Variants in OSBPL8 observed in about 807,000 individuals in gnomAD.
OSBPL8 encodes the protein oxysterol binding protein like 8.
A neutral mutation model predicts 125.5 loss-of-function variants in OSBPL8; 59 were observed. The observed-to-expected ratio is 0.47, with a 90% CI of 0.38 to 0.58. OSBPL8 has a LOEUF of 0.58. Ranked by LOEUF, OSBPL8 falls within the 20% of genes least tolerant of loss-of-function variation. OSBPL8 has a pLI of 0.00. For missense variants in OSBPL8, 758 were observed against 1,047.8 expected (o/e 0.72, Z 3.82); for synonymous variants, 330 against 338.9 (o/e 0.97, Z 0.29).
chr12:76,507,713 C>T (rs1880550960), intron 1 of OSBPL8, among the ~76,000 whole-genome samples: 1 of 151,280 alleles, frequency 6.6e-6, no homozygotes, highest in Non-Finnish European at 1.5e-5. Context: ...ATCCCAGCTA[C>T]TCAGGAGGCT....
chr12:76,433,314 C>G (rs114042748), intron 4 of OSBPL8, among the ~76,000 whole-genome samples: 1 of 152,052 alleles, frequency 6.6e-6, no homozygotes, highest in Non-Finnish European at 1.5e-5. Context: ...CATAATCATA[C>G]ACGTAGAAAA....
chr12:76,511,840 G>C (rs746000708), intron 1 of OSBPL8, among the ~76,000 whole-genome samples: 1 of 152,156 alleles, frequency 6.6e-6, no homozygotes. Flanking sequence ...TCGTCTGCCA[G>C]GGTTTATAGT....
intron 1 of OSBPL8, among the ~76,000 whole-genome samples, chr12:76,506,012 A>T (rs1880377928): frequency 6.6e-6 from 1 of 151,564 alleles, no homozygotes; most frequent in African/African-American, 2.5e-5. Flanking sequence ...GGCAACAGAC[A>T]ATGATGGCTT....
Position 76,461,220 on chromosome 12 carries a change from A to C in OSBPL8, c.43-1325T>G, listed in dbSNP as rs373042747. On this transcript the variant is annotated intron_variant, in intron 2 of 23. Coordinates refer to ENST00000261183, the MANE Select transcript of OSBPL8 (RefSeq NM_020841.5). Reference sequence around the variant, plus strand: ...ACTTCTAATGAACAGAATACAGCCAAAGTGATGGGATGTCTCTTCTGGGAT... The same window carrying C: ...ACTTCTAATGAACAGAATACAGCCACAGTGATGGGATGTCTCTTCTGGGAT... 4.6e-5 allele frequency among the ~76,000 whole-genome samples: 7 copies of C among 152,266 alleles called. No homozygotes were observed. The East Asian group carries it at 1.2e-3, about 25-fold the overall frequency.
intron 4 of OSBPL8, chr12:76,423,211 T>C (rs923610784): frequency 8.5e-5 from 13 of 152,242 alleles, no homozygotes; most frequent in East Asian, 1.9e-4. Flanking sequence ...TCAGCCATGA[T>C]TAAACATTCA....
chr12:76,466,214 T>A (rs928119702), intron 2 of OSBPL8, among the ~76,000 whole-genome samples: 1 of 152,172 alleles, frequency 6.6e-6, no homozygotes, highest in African/African-American at 2.4e-5. Context: ...CTGTATTTTT[T>A]AAATATGGCA....
chr12:76,396,449 A>G (rs765437914), intron 8 of OSBPL8, among the ~76,000 whole-genome samples: 31 of 152,106 alleles, frequency 2.0e-4, no homozygotes, highest in Admixed American at 6.6e-4. Context: ...AAACTAAAGC[A>G]ATGATCATTT....
intron 2 of OSBPL8, among the ~76,000 whole-genome samples, chr12:76,485,665 G>A (rs1198984923): frequency 6.6e-6 from 1 of 152,128 alleles, no homozygotes; most frequent in Non-Finnish European, 1.5e-5. Context: ...CAGAAATATA[G>A]GTATGTAGTC....
Position 76,392,645 on chromosome 12 carries a change from T to C in OSBPL8, c.865A>G (p.Ser289Gly), listed in dbSNP as rs1462359826. The change falls in exon 10 of 24, where the codon AGC becomes GGC. Residue 289 changes from serine to glycine, a missense_variant. Transcript: ENST00000261183. ...AAGCCATAGAAAGTCACATGTGTGC[T>C]ATCTGATGAAACGCTCAGGTCATGT... ...KEHDLSVSSDSTHVTFYGLLR... is the reference protein window; with the variant it reads ...KEHDLSVSSDGTHVTFYGLLR... 1 of 1,614,120 alleles carries C rather than the reference T, an allele frequency of 6.2e-7. No individual in the cohort carries two copies. Among genetic ancestry groups the C allele is most frequent in the Non-Finnish European group, 8.5e-7 (1 of 1,179,952 alleles).
At chr12:76,425,597 A>G (rs564728545) in intron 4 of OSBPL8, among the ~76,000 whole-genome samples, 51 of 152,288 alleles carry the variant, frequency 3.3e-4, no homozygotes, top group African/African-American at 1.1e-3. Flanking sequence ...TTTTTGACAC[A>G]TGGGCAAACT....
chr12:76,479,393 A>C (rs916382206), intron 2 of OSBPL8, among the ~76,000 whole-genome samples: 1 of 152,220 alleles, frequency 6.6e-6, no homozygotes, highest in Non-Finnish European at 1.5e-5. Context: ...GCATTAAAAA[A>C]ATGTATGTTG....
intron 2 of OSBPL8, among the ~76,000 whole-genome samples, chr12:76,480,167 C>CAAAAAAAAAAAAAAAAAAA (rs57582036): frequency 1.8e-5 from 1 of 56,386 alleles, no homozygotes; most frequent in East Asian, 6.2e-4. Flanking sequence ...AACTCCATCT[C>CAAAAAAAAAAAAAAAAAAA]AAAAAAAAAA....
intron 21 of OSBPL8, 140 bp from the exon 22 acceptor site, chr12:76,358,951 T>A: frequency 1.5e-6 from 1 of 668,750 alleles, no homozygotes; most frequent in Non-Finnish European, 2.6e-6. Context: ...AATTCAAATT[T>A]AACAAATGTG....
chr12:76,410,051 A>C (rs1394164304), intron 5 of OSBPL8, among the ~76,000 whole-genome samples: 3 of 95,940 alleles, frequency 3.1e-5, no homozygotes, highest in Non-Finnish European at 8.2e-5. Context: ...TTTCTTCAAG[A>C]AAAAAAATGC....
intron 1 of OSBPL8, among the ~76,000 whole-genome samples, chr12:76,538,610 C>G (rs571349564): frequency 6.6e-6 from 1 of 152,212 alleles, no homozygotes; most frequent in East Asian, 1.9e-4. Context: ...TGTAAACAAA[C>G]TTATTTAAAG....
intron 3 of OSBPL8, 103 bp from the exon 4 acceptor site, chr12:76,451,091 G>T (rs1873349825): frequency 1.6e-6 from 2 of 1,237,062 alleles, no homozygotes; most frequent in Non-Finnish European, 2.2e-6. Flanking sequence ...GGCCTTGGTG[G>T]TTATATTCAT....
intron 4 of OSBPL8, among the ~76,000 whole-genome samples, chr12:76,441,106 T>C (rs182864465): frequency 1.3e-5 from 2 of 152,264 alleles, no homozygotes; most frequent in East Asian, 1.9e-4. Context: ...ATTTCCCAAT[T>C]ACAAATTAAA....
At chr12:76,496,422 G>C (rs563470508) in intron 1 of OSBPL8, among the ~76,000 whole-genome samples, 1 of 150,712 alleles carries the variant, frequency 6.6e-6, no homozygotes, top group South Asian at 2.1e-4. Flanking sequence ...CCAGGCTAGA[G>C]TGCAGTGGCA....
intron 15 of OSBPL8, among the ~76,000 whole-genome samples, chr12:76,380,877 A>G (rs1287059435): frequency 6.6e-6 from 1 of 152,178 alleles, no homozygotes; most frequent in African/African-American, 2.4e-5. Flanking sequence ...AGTTGGCTAT[A>G]TATTTTTCAT....
Sources: allele counts gnomAD v4.1 joint callset (sites outside exome capture counted in the v4.1 genomes callset), GRCh38; gene constraint gnomAD v4.1.1; transcripts MANE v1.5; gene names NCBI Gene and HGNC (gene_info 2026-07-23, HGNC 2026-07-21).